Variants in KYNU observed in about 807,000 individuals in gnomAD.
KYNU encodes the protein L-kynurenine hydrolase.
Under a neutral mutation model 59.2 loss-of-function variants are expected in KYNU, and 54 were observed. That is an observed-to-expected ratio of 0.91 (90% CI 0.73 to 1.14). KYNU has a LOEUF of 1.14. Among genes scored for constraint, KYNU ranks in the 50% most tolerant of loss-of-function variants. KYNU has a pLI of 0.00. For missense variants in KYNU, 567 were observed against 554.4 expected, an observed-to-expected ratio of 1.02 and a Z score of -0.23; for synonymous variants, 177 against 192.0, an observed-to-expected ratio of 0.92 and a Z score of 0.65.
intron 8 of KYNU, among the ~76,000 whole-genome samples, chr2:142,972,813 T>TATATATAGAGAG (rs1478067181): frequency 1.2e-4 from 15 of 124,226 alleles, no homozygotes; most frequent in South Asian, 5.7e-4. Context: ...TATATATATA[T>TATATATAGAGAG]AGAGAGAGAG....
chr2:142,899,264 C>G (rs1253492745), intron 2 of KYNU, among the ~76,000 whole-genome samples: 3 of 152,124 alleles, frequency 2.0e-5, no homozygotes, highest in African/African-American at 7.2e-5. Context: ...GAGTTTATAT[C>G]CCGATCATTG....
At chr2:143,026,678 G>A (rs914660947) in intron 10 of KYNU, among the ~76,000 whole-genome samples, 3 of 152,208 alleles carry the variant, frequency 2.0e-5, no homozygotes, top group Admixed American at 6.5e-5. Flanking sequence ...GACTCCAACC[G>A]GGGGTGCCTG....
chr2:143,010,857 A>G (rs1359997733), intron 10 of KYNU, among the ~76,000 whole-genome samples: 2 of 145,756 alleles, frequency 1.4e-5, no homozygotes, highest in South Asian at 2.3e-4. Flanking sequence ...CTGGCTAGCC[A>G]TATGTAGGAA....
intron 2 of KYNU, among the ~76,000 whole-genome samples, chr2:142,899,244 T>G (rs552559096): frequency 4.7e-4 from 72 of 152,264 alleles, no homozygotes; most frequent in Non-Finnish European, 7.9e-4. Flanking sequence ...CACTCCCTGC[T>G]TGAATGCCTG....
rs1687109060 is a variant in KYNU at position 143,043,390 on chromosome 2, T to G, written c.*1218T>G. The G allele has an allele frequency of 6.6e-6, 1 of 151,002 alleles. No individual in the cohort carries two copies. Among genetic ancestry groups the G allele is most frequent in the African/African-American group, 2.4e-5 (1 of 41,056 alleles). 9.4% of individuals were successfully genotyped at this position (151,002 alleles called of 1,614,324 possible). On this transcript the variant is annotated 3_prime_UTR_variant, in exon 14 of 14. Coordinates refer to ENST00000264170, the MANE Select transcript of KYNU (RefSeq NM_003937.3). ...TATAAGTTGACAAAATAGTGTAGATTTGTATACATAGTCAACAAAAAGAGT... is the reference window on the plus strand; with the variant it reads ...TATAAGTTGACAAAATAGTGTAGATGTGTATACATAGTCAACAAAAAGAGT...
chr2:142,993,237 A>G (rs1287538737), intron 10 of KYNU, among the ~76,000 whole-genome samples: 2 of 152,098 alleles, frequency 1.3e-5, no homozygotes, highest in Admixed American at 1.3e-4. Context: ...CATTTCTTAA[A>G]GGAATATGCC....
intron 2 of KYNU, among the ~76,000 whole-genome samples, chr2:142,905,149 T>C (rs1437816537): frequency 1.3e-5 from 2 of 152,230 alleles, no homozygotes; most frequent in African/African-American, 4.8e-5. Flanking sequence ...GAATATGCCC[T>C]AAATATTGAT....
Position 142,956,285 on chromosome 2 carries a change from C to A in KYNU, c.507+11C>A. On this transcript the variant is annotated intron_variant, in intron 6 of 13. Coordinates refer to ENST00000264170, the MANE Select transcript of KYNU (RefSeq NM_003937.3). ...TTCCCTTCTGATCATGTAAGGACTT[C>A]TTCAAATTGTATTTATGTTCTTTCT... The A allele has an allele frequency of 6.5e-7, 1 of 1,535,672 alleles. No homozygotes were observed. Among genetic ancestry groups the A allele is most frequent in the Non-Finnish European group, 9.0e-7 (1 of 1,109,554 alleles).
intron 2 of KYNU, among the ~76,000 whole-genome samples, chr2:142,890,725 G>A (rs562576840): frequency 3.7e-4 from 57 of 152,150 alleles, no homozygotes; most frequent in Non-Finnish European, 5.7e-4. Flanking sequence ...TAGTCCTCCC[G>A]CCTCAGCCTA....
At chr2:142,986,613 T>C (rs777309830) in intron 10 of KYNU, among the ~76,000 whole-genome samples, 1 of 151,808 alleles carries the variant, frequency 6.6e-6, no homozygotes, top group Admixed American at 6.6e-5. Flanking sequence ...TAAATGCAAA[T>C]ATAATACACC....
intron 8 of KYNU, among the ~76,000 whole-genome samples, chr2:142,979,213 C>A (rs1047391171): frequency 1.2e-4 from 19 of 152,134 alleles, no homozygotes; most frequent in African/African-American, 4.6e-4. Flanking sequence ...GCCCAAGATA[C>A]TTCATTCTAA....
intron 10 of KYNU, among the ~76,000 whole-genome samples, chr2:143,002,155 G>A (rs568324077): frequency 7.2e-5 from 11 of 152,078 alleles, no homozygotes; most frequent in East Asian, 3.9e-4. Context: ...CAAAGCTGGC[G>A]GAAATATATA....
chr2:143,010,746 T>G (rs1409327392), intron 10 of KYNU, among the ~76,000 whole-genome samples: 8 of 148,220 alleles, frequency 5.4e-5, no homozygotes, highest in South Asian at 4.4e-4. Flanking sequence ...AGAGCCCTCA[T>G]AAATAATGCC....
intron 2 of KYNU, among the ~76,000 whole-genome samples, chr2:142,891,827 G>A (rs936730976): frequency 2.6e-5 from 4 of 152,160 alleles, no homozygotes; most frequent in Non-Finnish European, 5.9e-5. Flanking sequence ...ATTTATAACT[G>A]TAATTTTGAT....
chr2:142,979,134 A>G (rs1229526693), intron 8 of KYNU, among the ~76,000 whole-genome samples: 1 of 152,154 alleles, frequency 6.6e-6, no homozygotes, highest in African/African-American at 2.4e-5. Flanking sequence ...GAAGATGGCA[A>G]AGACAAAACA....
intron 10 of KYNU, among the ~76,000 whole-genome samples, chr2:143,007,278 G>T (rs141479913): frequency 6.7e-6 from 1 of 149,038 alleles, no homozygotes; most frequent in Non-Finnish European, 1.5e-5. Flanking sequence ...CTCAGGAACC[G>T]GTGCGATCAA....
At chr2:142,955,082 G>T (rs1684119169) in intron 5 of KYNU, among the ~76,000 whole-genome samples, 1 of 151,924 alleles carries the variant, frequency 6.6e-6, no homozygotes, top group Non-Finnish European at 1.5e-5. Context: ...TTAGAATAAT[G>T]AACAGTTCTT....
At chr2:142,955,229 G>A (rs1276894771) in intron 5 of KYNU, among the ~76,000 whole-genome samples, 1 of 152,076 alleles carries the variant, frequency 6.6e-6, no homozygotes, top group Non-Finnish European at 1.5e-5. Flanking sequence ...TCAGCAGAGT[G>A]AGTTAGTGGA....
intron 10 of KYNU, among the ~76,000 whole-genome samples, chr2:143,028,405 G>A (rs1019095571): frequency 1.9e-4 from 28 of 150,056 alleles, no homozygotes; most frequent in African/African-American, 5.8e-4. Context: ...CACCACGCCC[G>A]TCTAATTTTT....
Sources: allele counts gnomAD v4.1 joint callset (sites outside exome capture counted in the v4.1 genomes callset), GRCh38; gene constraint gnomAD v4.1.1; transcripts MANE v1.5; gene names NCBI Gene and HGNC (gene_info 2026-07-23, HGNC 2026-07-21).